The following SORCS2 variants were observed in gnomAD, a reference collection of about 807,000 sequenced individuals.
The protein encoded by SORCS2 is VPS10 domain-containing receptor SorCS2.
SORCS2 carries 100 observed loss-of-function variants against 141.6 expected under a neutral mutation model. The ratio of observed to expected loss-of-function variants is 0.71; its 90% CI spans 0.60 to 0.83. SORCS2 has a LOEUF of 0.83. Ranked by LOEUF, SORCS2 falls within the 40% of genes least tolerant of loss-of-function variation. The pLI is 0.00. For synonymous variants in SORCS2, 789 were observed against 676.9 expected (o/e 1.17, Z -2.57); for missense variants, 1,646 against 1,560.2 (o/e 1.05, Z -0.93).
At chr4:7,252,676 A>C (rs1713585641) in intron 1 of SORCS2, among the ~76,000 whole-genome samples, 1 of 152,158 alleles carries the variant, frequency 6.6e-6, no homozygotes, top group South Asian at 2.1e-4. Context: ...TGCTTCTGAG[A>C]GGGGCTGGGG....
Position 7,197,283 on chromosome 4 carries a change from C to T in SORCS2, c.480+4157C>T, listed in dbSNP as rs541435977. Among the ~76,000 whole-genome samples the T allele has an allele frequency of 2.0e-4, 31 of 152,310 alleles. No individual in the cohort carries two copies. In the South Asian group the frequency reaches 6.4e-3, roughly 32 times the overall value. On this transcript the variant is annotated intron_variant, in intron 1 of 26. Coordinates refer to ENST00000507866, the MANE Select transcript of SORCS2 (RefSeq NM_020777.3). ...AGTTACCTCTTTAAAGGCCCTGCTT[C>T]CAAATACAGTCACATTTTGAAGTGC...
chr4:7,351,152 G>A (rs1720917782), intron 1 of SORCS2, among the ~76,000 whole-genome samples: 1 of 152,182 alleles, frequency 6.6e-6, no homozygotes, highest in Non-Finnish European at 1.5e-5. Context: ...CCATTGGCTG[G>A]TGGAAGCCCC....
intron 1 of SORCS2, among the ~76,000 whole-genome samples, chr4:7,337,238 A>G (rs1376577059): frequency 6.6e-6 from 1 of 151,952 alleles, no homozygotes; most frequent in African/African-American, 2.4e-5. Context: ...TCAAACACCT[A>G]CTGTGTGCGG....
At chr4:7,504,335 C>T (rs1732152600) in intron 2 of SORCS2, among the ~76,000 whole-genome samples, 1 of 152,204 alleles carries the variant, frequency 6.6e-6, no homozygotes, top group South Asian at 2.1e-4. Flanking sequence ...TTTTGGTGTT[C>T]AGCTCAGCAC....
chr4:7,685,688 A>ATATATAT (rs1553904098), intron 10 of SORCS2, among the ~76,000 whole-genome samples: 3 of 149,606 alleles, frequency 2.0e-5, no homozygotes, highest in African/African-American at 7.5e-5. Flanking sequence ...AAAATAAATA[A>ATATATAT]ATATATATAT....
intron 1 of SORCS2, among the ~76,000 whole-genome samples, chr4:7,196,545 T>C (rs1381484222): frequency 6.6e-6 from 1 of 152,176 alleles, no homozygotes; most frequent in Non-Finnish European, 1.5e-5. Context: ...GTGAGCTTCC[T>C]GCAGCCTGGT....
chr4:7,724,931 A>ATG (rs1560115115), intron 19 of SORCS2, among the ~76,000 whole-genome samples: 2 of 27,134 alleles, frequency 7.4e-5, no homozygotes, highest in Admixed American at 4.5e-4. Context: ...GGATGGTGGT[A>ATG]GTAGTGGTGA....
intron 18 of SORCS2, among the ~76,000 whole-genome samples, chr4:7,720,095 T>C (rs1349876383): frequency 6.6e-6 from 1 of 151,632 alleles, no homozygotes; most frequent in African/African-American, 2.4e-5. Flanking sequence ...ATGTATTCAC[T>C]CTCAAACTCG....
intron 2 of SORCS2, among the ~76,000 whole-genome samples, chr4:7,519,251 A>C (rs1733176209): frequency 6.6e-6 from 1 of 152,152 alleles, no homozygotes; most frequent in African/African-American, 2.4e-5. Context: ...GTTATACACA[A>C]ATTCTAAAGA....
At chr4:7,724,573 A>ATGGTGGTGGTAG (rs1228935716) in intron 19 of SORCS2, among the ~76,000 whole-genome samples, 1 of 40,384 alleles carries the variant, frequency 2.5e-5, no homozygotes. Context: ...GGTGGTGGTG[A>ATGGTGGTGGTAG]TGGTGATGGT....
At chr4:7,480,890 C>T (rs574995830) in intron 2 of SORCS2, among the ~76,000 whole-genome samples, 7 of 152,312 alleles carry the variant, frequency 4.6e-5, no homozygotes, top group Admixed American at 2.6e-4. Flanking sequence ...ATTTCATTGA[C>T]GAAATGAGTG....
At chr4:7,438,889 A>G in intron 2 of SORCS2, among the ~76,000 whole-genome samples, 1 of 151,698 alleles carries the variant, frequency 6.6e-6, no homozygotes, top group Non-Finnish European at 1.5e-5. Context: ...CATATCATTC[A>G]TTGTTTTTGA....
intron 3 of SORCS2, among the ~76,000 whole-genome samples, chr4:7,634,739 C>T (rs1720134044): frequency 6.6e-6 from 1 of 152,136 alleles, no homozygotes; most frequent in South Asian, 2.1e-4. Flanking sequence ...AAGAGTGACT[C>T]CACCAGGGAG....
intron 2 of SORCS2, among the ~76,000 whole-genome samples, chr4:7,499,087 CTG>C (rs1005451577): frequency 1.3e-5 from 2 of 152,238 alleles, no homozygotes; most frequent in Middle Eastern, 3.4e-3. Flanking sequence ...GAGTGTGTGT[CTG>C]TGCATGTGGA....
intron 1 of SORCS2, among the ~76,000 whole-genome samples, chr4:7,288,397 T>C (rs1236770570): frequency 6.6e-6 from 1 of 151,988 alleles, no homozygotes; most frequent in East Asian, 1.9e-4. Flanking sequence ...CTGGGGCTGC[T>C]GTAAGGAAAC....
rs1353386061 is a variant in SORCS2 at position 7,286,302 on chromosome 4, C to G, written c.480+93176C>G. On this transcript the variant is annotated intron_variant, in intron 1 of 26. Transcript: ENST00000507866. The surrounding 1 kb of genome is among the most constrained non-coding windows in gnomAD (Gnocchi z 4.1). ...GTGGGAGCCTGGCCAGCTGGAGCCA[C>G]CGCTGGAGAGAGCAGGCCTGTTGTG... Among the ~76,000 whole-genome samples the G allele has an allele frequency of 1.3e-5, 2 of 152,212 alleles. No individual in the cohort carries two copies. The highest frequency in any genetic ancestry group is 4.8e-5 in the African/African-American group (2 of 41,456).
In SORCS2 at chr4:7,340,007, G is replaced by A. The variant is rs574310213; in HGVS notation, c.481-56281G>A. On this transcript the variant is annotated intron_variant, in intron 1 of 26. Coordinates refer to ENST00000507866, the MANE Select transcript of SORCS2 (RefSeq NM_020777.3). ...AGGAGAGGCTGGGGGCTTGTCCGGG[G>A]TCAGAGATGCTGATAATTAGGAGGC... 5.9e-5 allele frequency among the ~76,000 whole-genome samples: 9 copies of A among 152,354 alleles called. No homozygotes were observed. The South Asian group carries it at 1.9e-3, about 32-fold the overall frequency.
chr4:7,679,665 C>T (rs1028356025), intron 9 of SORCS2, among the ~76,000 whole-genome samples: 2 of 151,220 alleles, frequency 1.3e-5, no homozygotes, highest in African/African-American at 2.4e-5. Context: ...GCAGAGGGAG[C>T]GCAGCCCTGC....
intron 3 of SORCS2, among the ~76,000 whole-genome samples, chr4:7,543,784 TCATCCATC>T (rs771822077): frequency 7.4e-5 from 1 of 13,600 alleles, no homozygotes; most frequent in African/African-American, 1.9e-4. Context: ...ATCCATCCAC[TCATCCATC>T]CATCCATCCA....
Sources: allele counts gnomAD v4.1 joint callset (sites outside exome capture counted in the v4.1 genomes callset), GRCh38; gene constraint gnomAD v4.1.1; non-coding constraint Gnocchi (gnomAD v3.1); transcripts MANE v1.5; gene names NCBI Gene and HGNC (gene_info 2026-07-23, HGNC 2026-07-21).